Variants in SLC22A23 observed in about 807,000 individuals in gnomAD.
SLC22A23 encodes solute carrier family 22 member 23.
Under a neutral mutation model 61.0 loss-of-function variants are expected in SLC22A23, and 26 were observed. That is an observed-to-expected ratio of 0.43 (90% CI 0.31 to 0.59). The LOEUF is 0.59. Among genes scored for constraint, SLC22A23 ranks in the 20% least tolerant of loss-of-function variants. SLC22A23 has a pLI of 0.11. For missense variants in SLC22A23, 796 were observed against 934.7 expected (o/e 0.85, Z 1.94); for synonymous variants, 430 against 413.9 (o/e 1.04, Z -0.47).
At chr6:3,398,642 G>T (rs1202339691) in intron 3 of SLC22A23, among the ~76,000 whole-genome samples, 1 of 151,850 alleles carries the variant, frequency 6.6e-6, no homozygotes, top group Non-Finnish European at 1.5e-5. Flanking sequence ...AGGCCCTGCA[G>T]CTTCGCCCAA....
At chr6:3,430,796 G>C (rs1408477744) in intron 1 of SLC22A23, among the ~76,000 whole-genome samples, 1 of 152,212 alleles carries the variant, frequency 6.6e-6, no homozygotes, top group Non-Finnish European at 1.5e-5. Context: ...GCCAGGCATA[G>C]TGGCTCACAC....
intron 3 of SLC22A23, among the ~76,000 whole-genome samples, chr6:3,409,446 G>C (rs536393231): frequency 1.3e-5 from 2 of 152,298 alleles, no homozygotes; most frequent in East Asian, 3.9e-4. Context: ...ACTCCTGTGC[G>C]TGTGGTCAAA....
chr6:3,349,356 C>T (rs1272039421), intron 3 of SLC22A23, among the ~76,000 whole-genome samples: 1 of 152,128 alleles, frequency 6.6e-6, no homozygotes, highest in Non-Finnish European at 1.5e-5. Flanking sequence ...CCTCTCTCTC[C>T]CTATCCCACC....
rs1439529731 is a variant in SLC22A23, at chr6:3,271,140, C to T, written c.*1915G>A. ...TAAAAGGAATTTCACAAGTTTGGCA[C>T]GCAAAGGCTGCACAGATCTAAAGAA... On this transcript the variant is annotated 3_prime_UTR_variant, in exon 10 of 10. Coordinates refer to ENST00000406686, the MANE Select transcript of SLC22A23 (RefSeq NM_015482.2). 1.3e-5 allele frequency: 2 copies of T among 152,378 alleles called. No homozygotes were observed. The highest frequency in any genetic ancestry group is 2.9e-5 in the Non-Finnish European group (2 of 68,088). 9.4% of individuals were successfully genotyped at this position (152,378 alleles called of 1,614,324 possible).
At chr6:3,376,849 A>G (rs73720709) in intron 3 of SLC22A23, among the ~76,000 whole-genome samples, 2,243 of 152,164 alleles carry the variant, frequency 0.015, 56 homozygotes, top group African/African-American at 0.052. Flanking sequence ...AGATGGGAAG[A>G]AGATCTTTCA....
intron 3 of SLC22A23, among the ~76,000 whole-genome samples, chr6:3,350,774 G>A (rs1410381894): frequency 6.6e-6 from 1 of 152,104 alleles, no homozygotes; most frequent in Non-Finnish European, 1.5e-5. Context: ...TATTATGAGA[G>A]CAGATTCCTC....
chr6:3,391,494 C>A (rs1217303000), intron 3 of SLC22A23, among the ~76,000 whole-genome samples: 1 of 152,202 alleles, frequency 6.6e-6, no homozygotes, highest in East Asian at 1.9e-4. Context: ...TGCAATACTG[C>A]GGCACAGATC....
At position 3,439,298 on chromosome 6, in the gene SLC22A23, C is replaced by T. The variant is rs763280940; in HGVS notation, c.654+16608G>A. 8.5e-5 allele frequency: 38 copies of T among 449,088 alleles called. 1 individual carries two copies. Among genetic ancestry groups the T allele is most frequent in the African/African-American group, 5.8e-4 (29 of 49,616 alleles). 27.8% of individuals were successfully genotyped at this position (449,088 alleles called of 1,614,324 possible). A position where few individuals can be genotyped will look rare whatever the true frequency, so the allele number is the denominator to read the frequency against. On this transcript the variant is annotated intron_variant, in intron 1 of 9. Transcript: ENST00000406686. ...TGTTCTCTGGGAGCAAAATCATACC[C>T]CGTGGAAAGTGTCCAGAGAACTTCT...
At chr6:3,365,722 G>A (rs1057082205) in intron 3 of SLC22A23, among the ~76,000 whole-genome samples, 2 of 152,094 alleles carry the variant, frequency 1.3e-5, no homozygotes. Context: ...GACAAGGGCT[G>A]AACCATATGT....
In SLC22A23 at chr6:3,323,932, G is replaced by T. The variant is rs923516008; in HGVS notation, c.984C>A (p.Gly328=). ...CGGCTAGCCCAGGCATGAGGAACTGGCCCGCCATGGCCACGAAGCTCGCCA... is the reference window on the plus strand; with the variant it reads ...CGGCTAGCCCAGGCATGAGGAACTGTCCCGCCATGGCCACGAAGCTCGCCA... The part of the protein sequence containing the change: ...TMVASFVAMA[G]QFLMPGLAAL... The change falls in exon 4 of 10, where the codon GGC becomes GGA. Residue 328 remains glycine (G), a synonymous_variant. Transcript: ENST00000406686. 7 of 1,614,180 alleles carry T rather than the reference G, an allele frequency of 4.3e-6. No individual in the cohort carries two copies. Among genetic ancestry groups the T allele is most frequent in the Non-Finnish European group, 5.9e-6 (7 of 1,180,036 alleles).
At chr6:3,397,983 T>C (rs1167084172) in intron 3 of SLC22A23, among the ~76,000 whole-genome samples, 1 of 152,206 alleles carries the variant, frequency 6.6e-6, no homozygotes, top group African/African-American at 2.4e-5. Flanking sequence ...ACACTTCCCA[T>C]GTAGTGAGGG....
chr6:3,364,774 C>T (rs9501996), intron 3 of SLC22A23, among the ~76,000 whole-genome samples: 261 of 152,252 alleles, frequency 1.7e-3, no homozygotes, highest in African/African-American at 6.1e-3. Flanking sequence ...GTCCACCATC[C>T]GGGACGTGCA....
chr6:3,333,880 T>C lies in SLC22A23; in HGVS notation c.914-9878A>G, dbSNP rs796597684. 6.6e-6 allele frequency among the ~76,000 whole-genome samples: 1 copy of C among 152,332 alleles called. No individual in the cohort carries two copies. Among genetic ancestry groups the C allele is most frequent in the African/African-American group, 2.4e-5 (1 of 41,586 alleles). The stretch of plus-strand genomic sequence containing the variant: ...GCTGTGCAGTAATTCTGATGCTGGC[T>C]CCAGCTGAAGAACCACTGCAGTATA... On this transcript the variant is annotated intron_variant, in intron 3 of 9. Coordinates refer to ENST00000406686, the MANE Select transcript of SLC22A23 (RefSeq NM_015482.2). The surrounding 1 kb of genome is among the most constrained non-coding windows in gnomAD (Gnocchi z 4.1).
chr6:3,336,174 C>T (rs978974058), intron 3 of SLC22A23, among the ~76,000 whole-genome samples: 1 of 152,006 alleles, frequency 6.6e-6, no homozygotes, highest in Non-Finnish European at 1.5e-5. Flanking sequence ...CAGATTTGCA[C>T]CTCACCTAAC....
chr6:3,355,673 C>T (rs1398140857), intron 3 of SLC22A23, among the ~76,000 whole-genome samples: 1 of 152,076 alleles, frequency 6.6e-6, no homozygotes, highest in Non-Finnish European at 1.5e-5. Context: ...CCACTTGATG[C>T]CTGGTCAGTC....
intron 3 of SLC22A23, among the ~76,000 whole-genome samples, chr6:3,357,077 A>C (rs1022251300): frequency 8.7e-4 from 126 of 144,364 alleles, no homozygotes; most frequent in African/African-American, 3.0e-3. Flanking sequence ...AAAAAAAAAA[A>C]AAAAAAACCC....
At chr6:3,275,781 G>C (rs553844380) in intron 9 of SLC22A23, among the ~76,000 whole-genome samples, 21 of 152,306 alleles carry the variant, frequency 1.4e-4, no homozygotes, top group African/African-American at 5.1e-4. Flanking sequence ...TCGGGGTTTC[G>C]CTGTGTTAGC....
chr6:3,388,151 G>T (rs1319145298), intron 3 of SLC22A23, among the ~76,000 whole-genome samples: 1 of 152,180 alleles, frequency 6.6e-6, no homozygotes, highest in Non-Finnish European at 1.5e-5. Context: ...ACAGAAGGGG[G>T]TTCATTCAAC....
intron 4 of SLC22A23, among the ~76,000 whole-genome samples, chr6:3,298,695 G>T (rs901490444): frequency 6.6e-6 from 1 of 152,026 alleles, no homozygotes; most frequent in African/African-American, 2.4e-5. Context: ...GTTCCCGGCC[G>T]GGCGCGGTGG....
Sources: allele counts gnomAD v4.1 joint callset (sites outside exome capture counted in the v4.1 genomes callset), GRCh38; gene constraint gnomAD v4.1.1; non-coding constraint Gnocchi (gnomAD v3.1); transcripts MANE v1.5; gene names NCBI Gene and HGNC (gene_info 2026-07-23, HGNC 2026-07-21).